LRRTM4: variants seen among roughly 807,000 people sequenced by gnomAD.
LRRTM4 encodes leucine-rich repeat transmembrane neuronal protein 4.
In LRRTM4, 25 loss-of-function variants were observed where a neutral mutation model predicts 47.6. The observed-to-expected ratio is 0.53, with a 90% CI of 0.38 to 0.73. The LOEUF is 0.73. Among genes scored for constraint, LRRTM4 ranks in the 30% least tolerant of loss-of-function variants. The pLI is 0.00. For missense variants in LRRTM4, 638 were observed against 713.4 expected (o/e 0.89, Z 1.20); for synonymous variants, 311 against 269.5 (o/e 1.15, Z -1.51).
At chr2:76,765,435 A>C (rs2104095173) in intron 3 of LRRTM4, among the ~76,000 whole-genome samples, 1 of 152,300 alleles carries the variant, frequency 6.6e-6, no homozygotes, top group South Asian at 2.1e-4. Context: ...AGAGGAGCAG[A>C]ATATTATGTG....
intron 3 of LRRTM4, among the ~76,000 whole-genome samples, chr2:77,099,453 G>T (rs180884617): frequency 6.6e-6 from 1 of 151,746 alleles, no homozygotes; most frequent in Non-Finnish European, 1.5e-5. Context: ...ATATATTTGG[G>T]TGTGTGTGTG....
chr2:77,459,546 G>C, intron 3 of LRRTM4, among the ~76,000 whole-genome samples: 1 of 151,888 alleles, frequency 6.6e-6, no homozygotes. Context: ...TCCCACTGTA[G>C]AGTAAGTACT....
At chr2:76,772,222 T>C (rs1044413667) in intron 3 of LRRTM4, among the ~76,000 whole-genome samples, 8 of 152,080 alleles carry the variant, frequency 5.3e-5, no homozygotes, top group Non-Finnish European at 8.8e-5. Flanking sequence ...TGCAGACACA[T>C]TGAGAAGACG....
intron 3 of LRRTM4, among the ~76,000 whole-genome samples, chr2:77,118,058 CA>C (rs1266841408): frequency 4.6e-5 from 7 of 151,836 alleles, no homozygotes; most frequent in African/African-American, 1.7e-4. Flanking sequence ...TATGCTATAA[CA>C]AGAATTAAAT....
chr2:77,480,226 TA>T (rs34817448), intron 3 of LRRTM4, among the ~76,000 whole-genome samples: 10,328 of 146,456 alleles, frequency 0.071, 513 homozygotes, highest in Admixed American at 0.17. Flanking sequence ...ATTTCTACCT[TA>T]AAAAAAAAAA....
intron 3 of LRRTM4, among the ~76,000 whole-genome samples, chr2:76,777,659 G>A (rs1347843745): frequency 6.6e-6 from 1 of 151,184 alleles, no homozygotes; most frequent in South Asian, 2.1e-4. Flanking sequence ...GAGATTATGG[G>A]CTGAGACAAT....
At chr2:77,108,731 C>T (rs1333987474) in intron 3 of LRRTM4, among the ~76,000 whole-genome samples, 1 of 151,622 alleles carries the variant, frequency 6.6e-6, no homozygotes, top group Admixed American at 6.6e-5. Context: ...CTACAGGCGC[C>T]CGCCACCACG....
chr2:76,766,425 G>A (rs375630435), intron 3 of LRRTM4, among the ~76,000 whole-genome samples: 7 of 152,230 alleles, frequency 4.6e-5, no homozygotes, highest in Admixed American at 6.5e-5. Context: ...AAAGGACCAC[G>A]ACTACTGAAA....
At chr2:77,370,682 T>C (rs1672625642) in intron 3 of LRRTM4, among the ~76,000 whole-genome samples, 1 of 151,752 alleles carries the variant, frequency 6.6e-6, no homozygotes, top group African/African-American at 2.4e-5. Flanking sequence ...ATTAAAACCA[T>C]TCAGACCCTG....
At chr2:77,478,534 T>TA (rs1018847219) in intron 3 of LRRTM4, among the ~76,000 whole-genome samples, 5 of 152,220 alleles carry the variant, frequency 3.3e-5, no homozygotes, top group Middle Eastern at 3.2e-3. Context: ...AGGAAAGAAA[T>TA]ATTGACAAAC....
At chr2:76,972,170 T>G (rs566509064) in intron 3 of LRRTM4, among the ~76,000 whole-genome samples, 1 of 151,972 alleles carries the variant, frequency 6.6e-6, no homozygotes, top group Non-Finnish European at 1.5e-5. Flanking sequence ...AGAAACCCAA[T>G]AGTAGTTCTC....
intron 3 of LRRTM4, among the ~76,000 whole-genome samples, chr2:76,792,411 T>TGACA (rs992986106): frequency 6.6e-6 from 1 of 152,172 alleles, no homozygotes; most frequent in African/African-American, 2.4e-5. Context: ...ATCATCTACC[T>TGACA]GACACATCTT....
intron 3 of LRRTM4, among the ~76,000 whole-genome samples, chr2:77,214,448 A>T (rs1455043891): frequency 3.9e-5 from 6 of 152,148 alleles, no homozygotes; most frequent in Non-Finnish European, 7.4e-5. Context: ...GGTTATTGTT[A>T]CTTTATTAGT....
In LRRTM4 at chr2:76,748,835, G is replaced by A; in HGVS notation, c.1633C>T (p.His545Tyr). The change falls in exon 4 of 4, where the codon CAT becomes TAT. Residue 545 changes from histidine (H) to tyrosine (Y), a missense_variant. Transcript: ENST00000409884. ...ACTGTCTCATAGCCCTTGGTGACAT[G>A]GAGTGGCTGGTGGGCCTGGCAGTAC... ...IGYCQAHQPL[H>Y]VTKGYETVSP... 1.9e-6 allele frequency: 3 copies of A among 1,614,044 alleles called. No homozygotes were observed. Among genetic ancestry groups the A allele is most frequent in the African/African-American group, 2.7e-5 (2 of 75,060 alleles).
intron 3 of LRRTM4, among the ~76,000 whole-genome samples, chr2:76,815,927 C>CT (rs920840800): frequency 6.6e-6 from 1 of 151,902 alleles, no homozygotes; most frequent in Non-Finnish European, 1.5e-5. Flanking sequence ...TTATCTTCCC[C>CT]TTTTTTTTCT....
At chr2:76,916,056 TAGAA>T (rs1454450665) in intron 3 of LRRTM4, among the ~76,000 whole-genome samples, 3 of 151,234 alleles carry the variant, frequency 2.0e-5, no homozygotes, top group Non-Finnish European at 2.9e-5. Flanking sequence ...AGAATAAAAA[TAGAA>T]ATGATGAGAC....
chr2:77,062,884 G>A (rs1404510767), intron 3 of LRRTM4, among the ~76,000 whole-genome samples: 2 of 151,850 alleles, frequency 1.3e-5, no homozygotes, highest in African/African-American at 4.8e-5. Flanking sequence ...CAAATTGTAG[G>A]ATTCAAACAA....
chr2:77,215,227 C>T (rs903935055), intron 3 of LRRTM4, among the ~76,000 whole-genome samples: 4 of 151,874 alleles, frequency 2.6e-5, no homozygotes, highest in African/African-American at 9.7e-5. Context: ...GACAAAAATC[C>T]TAGAAAAGAG....
At chr2:76,792,502 A>C (rs1363434654) in intron 3 of LRRTM4, among the ~76,000 whole-genome samples, 1 of 152,168 alleles carries the variant, frequency 6.6e-6, no homozygotes, top group Non-Finnish European at 1.5e-5. Flanking sequence ...TTTGTAGTAT[A>C]TTAGGAAGGC....
Sources: allele counts gnomAD v4.1 joint callset (sites outside exome capture counted in the v4.1 genomes callset), GRCh38; gene constraint gnomAD v4.1.1; transcripts MANE v1.5; gene names NCBI Gene and HGNC (gene_info 2026-07-23, HGNC 2026-07-21).